Variants in ROPN1B observed in about 807,000 individuals in gnomAD.
The protein encoded by ROPN1B is rhophilin associated tail protein 1B.
ROPN1B carries 13 observed loss-of-function variants against 23.7 expected under a neutral mutation model. The observed-to-expected ratio is 0.55, with a 90% CI of 0.36 to 0.87. The LOEUF (loss-of-function observed/expected upper bound fraction) is 0.87, where lower values mean the gene tolerates loss of function less well. ROPN1B is among the 40% of genes least tolerant of loss of function. The pLI is 0.01. For missense variants in ROPN1B, 183 were observed against 249.2 expected (o/e 0.73, Z 1.79); for synonymous variants, 67 against 100.4 (o/e 0.67, Z 1.99).
intron 2 of ROPN1B, among the ~76,000 whole-genome samples, chr3:125,971,441 A>G (rs942393196): frequency 2.0e-5 from 3 of 152,186 alleles, no homozygotes; most frequent in African/African-American, 7.2e-5. Flanking sequence ...GTTTTGTTTC[A>G]ATTTGTCCTG....
chr3:125,982,476 A>G, intron 6 of ROPN1B, 31 bp downstream of exon 6: 1 of 1,565,594 alleles, frequency 6.4e-7, no homozygotes, highest in East Asian at 2.3e-5. Flanking sequence ...TGGAGGTGAA[A>G]GAATACCAGG....
intron 3 of ROPN1B, among the ~76,000 whole-genome samples, chr3:125,974,728 C>T (rs951934297): frequency 2.6e-5 from 4 of 152,212 alleles, no homozygotes; most frequent in African/African-American, 7.2e-5. Context: ...ACAAAGTCCA[C>T]TCCACAAAAC....
rs756922168 is a variant in ROPN1B, at chr3:125,972,237, C to T, written c.116+67C>T. On this transcript the variant is annotated intron_variant, in intron 3 of 6. Transcript: ENST00000514116. ...GGGGAGAGAGGGTCCTGTAAAACCG[C>T]GGAGGTTGTCATGGCTGCAGCCAGG... is the stretch of plus-strand genomic sequence containing the variant. The T allele has an allele frequency of 9.4e-5, 142 of 1,515,242 alleles. 1 individual carries two copies. Among genetic ancestry groups the T allele is most frequent in the Middle Eastern group, 1.7e-4 (1 of 5,884 alleles). 93.9% of individuals were successfully genotyped at this position (1,515,242 alleles called of 1,614,324 possible).
intron 5 of ROPN1B, among the ~76,000 whole-genome samples, chr3:125,981,866 G>T (rs1938620856): frequency 1.3e-5 from 2 of 152,080 alleles, no homozygotes; most frequent in African/African-American, 4.8e-5. Context: ...ACTGTGTCTT[G>T]CTGGAGTATA....
intron 6 of ROPN1B, 144 bp downstream of exon 6, chr3:125,982,589 A>C: frequency 1.4e-6 from 1 of 693,102 alleles, no homozygotes; most frequent in Non-Finnish European, 2.3e-6. Context: ...GAAAAGGAGA[A>C]AGGGAAGGAG....
At position 125,975,676 on chromosome 3, in the gene ROPN1B, C is replaced by G. The variant is rs780039344; in HGVS notation, c.230C>G (p.Ser77Cys). The G allele has an allele frequency of 3.1e-6, 5 of 1,608,682 alleles. No individual in the cohort carries two copies. Among genetic ancestry groups the G allele is most frequent in the Non-Finnish European group, 8.5e-7 (1 of 1,176,958 alleles). Reference sequence around the variant, plus strand: ...CCTGAGCTGTTAAAGATCCTGCATTCTCAGGTAAGGGCCCTGCTGCAGCAT... The same window carrying G: ...CCTGAGCTGTTAAAGATCCTGCATTGTCAGGTAAGGGCCCTGCTGCAGCAT... ...LTPELLKILH[S>C]QVAGRLIIRA... Residue 77 changes from serine to cysteine, a missense_variant, in exon 4 of 7, where the codon TCT becomes TGT. By Grantham distance (112) the Ser-to-Cys change is moderately radical. Around this residue, in one of 3 missense-constraint regions of ROPN1B, gnomAD observed 97 missense variants for 99.6 expected, o/e 0.97. Coordinates refer to ENST00000514116, the MANE Select transcript of ROPN1B (RefSeq NM_001308313.2).
chr3:125,982,921 A>G (rs908021735), intron 6 of ROPN1B, among the ~76,000 whole-genome samples: 6 of 152,166 alleles, frequency 3.9e-5, no homozygotes, highest in Non-Finnish European at 7.4e-5. Context: ...GGGTGGGTGA[A>G]TGGCTTGAGC....
rs1404631687 is a variant in ROPN1B, at chr3:125,982,379, C to A, written c.506C>A (p.Ala169Asp). ...TTCCAGTTTCTCTACACGTATATTG[C>A]CGAAGTGGATGGGGAGATCTGTGCA... ...STFQFLYTYI[A>D]EVDGEICASH... Residue 169 changes from alanine to aspartate, a missense_variant, in exon 6 of 7, where the codon GCC (alanine) becomes GAC (aspartate). Around this residue, in one of 3 missense-constraint regions of ROPN1B, gnomAD observed 80 missense variants for 98.0 expected, o/e 0.82. Coordinates refer to ENST00000514116, the MANE Select transcript of ROPN1B (RefSeq NM_001308313.2). 1.2e-6 allele frequency: 2 copies of A among 1,613,044 alleles called. No homozygotes were observed. Among genetic ancestry groups the A allele is most frequent in the Non-Finnish European group, 1.7e-6 (2 of 1,179,704 alleles).
At chr3:125,972,208 G>C (rs371106382) in intron 3 of ROPN1B, 38 bp downstream of exon 3, 50 of 1,604,048 alleles carry the variant, frequency 3.1e-5, no homozygotes, top group Middle Eastern at 3.3e-4. Context: ...CTTGGAGGAC[G>C]GGCGGGGAGA....
intron 5 of ROPN1B, 24 bp from the exon 6 acceptor site, chr3:125,982,246 C>G: frequency 6.4e-7 from 1 of 1,560,888 alleles, no homozygotes; most frequent in South Asian, 1.2e-5. Flanking sequence ...GTAACTTTCT[C>G]CTCATTTTAT....
rs1339397020 is a variant in ROPN1B at position 125,975,585 on chromosome 3, G to A, written c.139G>A (p.Gly47Arg). 21 of 1,613,898 alleles carry A rather than the reference G, an allele frequency of 1.3e-5. No individual in the cohort carries two copies. In the Admixed American group the frequency reaches 3.0e-4, roughly 23 times the overall value. The stretch of plus-strand genomic sequence containing the variant: ...TAGTTATTTTGAGGCCCTGTCCCGT[G>A]GAGAGACGCCTCCGGTGAGAGAGCG... ...GADYFEALSR[G>R]ETPPVRERSE... The change falls in exon 4 of 7, where the codon GGA becomes AGA. Residue 47 changes from glycine to arginine, a missense_variant. Gly to Arg is a moderately radical substitution (Grantham distance 125, BLOSUM62 -2). Coordinates refer to ENST00000514116, the MANE Select transcript of ROPN1B (RefSeq NM_001308313.2).
intron 5 of ROPN1B, among the ~76,000 whole-genome samples, chr3:125,979,458 G>A (rs1938535440): frequency 6.6e-6 from 1 of 152,082 alleles, no homozygotes. Context: ...AATGGGATTA[G>A]TGCCCTTATA....
At chr3:125,982,635 C>A (rs1051877830) in intron 6 of ROPN1B, among the ~76,000 whole-genome samples, 190 bp downstream of exon 6, 1 of 152,160 alleles carries the variant, frequency 6.6e-6, no homozygotes, top group Non-Finnish European at 1.5e-5. Context: ...GACAATAATT[C>A]TTTGAGTGCT....
intron 1 of ROPN1B, among the ~76,000 whole-genome samples, 154 bp from the exon 2 acceptor site, chr3:125,970,963 C>T (rs566144570): frequency 6.6e-6 from 1 of 152,124 alleles, no homozygotes; most frequent in East Asian, 1.9e-4. Context: ...TTGTTGCTTA[C>T]CCCAGCCTGT....
rs1300051565 is a variant in ROPN1B at position 125,975,656 on chromosome 3, G to A, written c.210G>A (p.Glu70=). 1 of 1,613,958 alleles carries A rather than the reference G, an allele frequency of 6.2e-7. No individual in the cohort carries two copies. The change falls in exon 4 of 7, where the codon GAG becomes GAA. Residue 70 remains glutamate, a synonymous_variant. Coordinates refer to ENST00000514116, the MANE Select transcript of ROPN1B (RefSeq NM_001308313.2). ...GTAACTGGGCAGAGCTAACACCTGA[G>A]CTGTTAAAGATCCTGCATTCTCAGG... is the stretch of plus-strand genomic sequence containing the variant. ...ALCNWAELTP[E]LLKILHSQVA... is the part of the protein sequence containing the mutation.
In ROPN1B at chr3:125,983,357, G is replaced by A. The variant is rs750273923; in HGVS notation, c.*37G>A. On this transcript the variant is annotated 3_prime_UTR_variant, in exon 7 of 7. Transcript: ENST00000514116. ...TGGCAATTTTAAAGGAAGATACAGAGGTGATTGTACTTCAGAATGATAAAC... is the reference window on the plus strand; with the variant it reads ...TGGCAATTTTAAAGGAAGATACAGAAGTGATTGTACTTCAGAATGATAAAC... 2.1e-6 allele frequency: 3 copies of A among 1,435,470 alleles called. No individual in the cohort carries two copies. The highest frequency in any genetic ancestry group is 2.9e-6 in the Non-Finnish European group (3 of 1,017,554). 88.9% of individuals were successfully genotyped at this position (1,435,470 alleles called of 1,614,324 possible).
intron 4 of ROPN1B, among the ~76,000 whole-genome samples, chr3:125,976,389 C>G (rs1411820249): frequency 2.0e-5 from 3 of 152,220 alleles, no homozygotes; most frequent in South Asian, 2.1e-4. Flanking sequence ...TGGTGGCCAA[C>G]AACCAGTCAT....
Position 125,969,359 on chromosome 3 carries a change from T to C in ROPN1B, c.-100T>C, listed in dbSNP as rs1580336036. The C allele has an allele frequency of 1.8e-5, 1 of 55,612 alleles. No homozygotes were observed. Among genetic ancestry groups the C allele is most frequent in the South Asian group, 6.1e-4 (1 of 1,652 alleles). The allele number at this position is 55,612 out of a possible 1,614,324, so 3.4% of individuals were successfully genotyped here. A position where few individuals can be genotyped will look rare whatever the true frequency, so the allele number is the denominator to read the frequency against. On this transcript the variant is annotated 5_prime_UTR_variant, in exon 1 of 7. Transcript: ENST00000514116. ...CTCTCGCCTGAGGCCAGGCGCCAGGTGTCGCCTGAAGCCAGACAGCCGGTT... is the reference window on the plus strand; with the variant it reads ...CTCTCGCCTGAGGCCAGGCGCCAGGCGTCGCCTGAAGCCAGACAGCCGGTT...
intron 3 of ROPN1B, chr3:125,972,892 G>C (rs1166195005): frequency 5.5e-6 from 2 of 361,288 alleles, no homozygotes; most frequent in South Asian, 2.1e-5. Context: ...TCTTTCAGGA[G>C]AGACCTCCAG....
Sources: allele counts gnomAD v4.1 joint callset (sites outside exome capture counted in the v4.1 genomes callset), GRCh38; gene constraint gnomAD v4.1.1; regional missense constraint gnomAD v4.1.1; transcripts MANE v1.5; gene names NCBI Gene and HGNC (gene_info 2026-07-23, HGNC 2026-07-21).